The following PPARGC1A variants were observed in gnomAD, a reference collection of about 807,000 sequenced individuals.
PPARGC1A encodes PPARG coactivator 1 alpha, also known as peroxisome proliferator-activated receptor gamma coactivator 1-alpha.
In PPARGC1A, 25 loss-of-function variants were observed where a neutral mutation model predicts 88.7. That is an observed-to-expected ratio of 0.28 (90% CI 0.21 to 0.39). The LOEUF (loss-of-function observed/expected upper bound fraction) is 0.39, where lower values mean the gene tolerates loss of function less well. PPARGC1A is among the 10% of genes least tolerant of loss of function. The pLI is 1.00. For synonymous variants in PPARGC1A, 363 were observed against 355.6 expected, an observed-to-expected ratio of 1.02 and a Z score of -0.24; for missense variants, 880 against 968.7, an observed-to-expected ratio of 0.91 and a Z score of 1.22.
chr4:24,032,124 T>G, the PPARGC1A span, among the ~76,000 whole-genome samples: 1 of 152,204 alleles, frequency 6.6e-6, no homozygotes, highest in Non-Finnish European at 1.5e-5. Flanking sequence ...TAATGATGAA[T>G]AACAATAATA....
chr4:23,819,930 C>G (rs1199666181), intron 7 of PPARGC1A, among the ~76,000 whole-genome samples: 1 of 152,120 alleles, frequency 6.6e-6, no homozygotes, highest in Admixed American at 6.6e-5. Context: ...CTTTGGTCCA[C>G]TTTCCCAAAG....
At chr4:24,260,808 G>A in the PPARGC1A span, among the ~76,000 whole-genome samples, 6 of 151,472 alleles carry the variant, frequency 4.0e-5, no homozygotes, top group East Asian at 1.2e-3. Flanking sequence ...TTGAATCCAA[G>A]TTTATTTTTA....
chr4:24,432,166 G>A, the PPARGC1A span, among the ~76,000 whole-genome samples: 1 of 152,152 alleles, frequency 6.6e-6, no homozygotes, highest in African/African-American at 2.4e-5. Flanking sequence ...GTTAAAAGAG[G>A]GGGAAAGCAA....
At chr4:24,428,262 G>A in the PPARGC1A span, among the ~76,000 whole-genome samples, 1 of 152,200 alleles carries the variant, frequency 6.6e-6, no homozygotes, top group East Asian at 1.9e-4. Flanking sequence ...GGTGTCTAGT[G>A]TATAGAAGAC....
At chr4:23,809,073 C>T (rs1720398084) in intron 10 of PPARGC1A, among the ~76,000 whole-genome samples, 1 of 151,990 alleles carries the variant, frequency 6.6e-6, no homozygotes, top group Admixed American at 6.6e-5. Flanking sequence ...GCTTCTTACT[C>T]ATTACTTTAA....
At chr4:24,137,107 C>G in the PPARGC1A span, among the ~76,000 whole-genome samples, 1 of 136,086 alleles carries the variant, frequency 7.3e-6, no homozygotes, top group Non-Finnish European at 1.5e-5. Context: ...CAGCGAGACT[C>G]TGTCTCAAAA....
chr4:24,386,176 C>T, the PPARGC1A span, among the ~76,000 whole-genome samples: 122,386 of 152,066 alleles, frequency 0.8, 49,339 homozygotes, highest in East Asian at 0.88. Context: ...AAAAGGCCTT[C>T]GATAAAATTC....
chr4:24,317,596 A>AAAAAAAAAC, the PPARGC1A span, among the ~76,000 whole-genome samples: 3 of 131,134 alleles, frequency 2.3e-5, no homozygotes, highest in Admixed American at 7.6e-5. Context: ...AAAAAAAAAA[A>AAAAAAAAAC]CACCACCACC....
the PPARGC1A span, among the ~76,000 whole-genome samples, chr4:24,210,517 C>G: frequency 6.6e-6 from 1 of 152,154 alleles, no homozygotes; most frequent in Non-Finnish European, 1.5e-5. Context: ...AATTAATCAG[C>G]ATAGTGTTTT....
At chr4:24,304,195 TTG>T in the PPARGC1A span, among the ~76,000 whole-genome samples, 1 of 152,196 alleles carries the variant, frequency 6.6e-6, no homozygotes, top group African/African-American at 2.4e-5. Flanking sequence ...GATGACCTGC[TTG>T]TGTGGCAATG....
chr4:23,902,805 T>G (rs1719566238), upstream of PPARGC1A, among the ~76,000 whole-genome samples: 1 of 152,192 alleles, frequency 6.6e-6, no homozygotes, highest in Non-Finnish European at 1.5e-5. Flanking sequence ...TGTTGTTGCA[T>G]TTATAATGTA....
chr4:24,452,912 G>A, the PPARGC1A span, among the ~76,000 whole-genome samples: 1 of 152,206 alleles, frequency 6.6e-6, no homozygotes, highest in Non-Finnish European at 1.5e-5. Context: ...TGGCTGAACT[G>A]TGTTCCTCCT....
At chr4:24,242,608 T>C in the PPARGC1A span, among the ~76,000 whole-genome samples, 9 of 152,180 alleles carry the variant, frequency 5.9e-5, no homozygotes, top group Admixed American at 5.9e-4. Context: ...TCTACTGATC[T>C]ATCTGTCCCA....
the PPARGC1A span, among the ~76,000 whole-genome samples, chr4:24,189,254 A>G: frequency 2.3e-3 from 352 of 152,264 alleles, 3 homozygotes; most frequent in African/African-American, 8.0e-3. Context: ...AAATATATTT[A>G]ATATCGCTGA....
the PPARGC1A span, among the ~76,000 whole-genome samples, chr4:24,466,974 GAA>G: frequency 3.0e-4 from 30 of 99,466 alleles, no homozygotes; most frequent in African/African-American, 8.6e-4. Flanking sequence ...GAAAGAAAGA[GAA>G]AGAAAGAAAG....
the PPARGC1A span, among the ~76,000 whole-genome samples, chr4:24,454,710 G>A: frequency 6.6e-6 from 1 of 151,376 alleles, no homozygotes; most frequent in Admixed American, 6.6e-5. Flanking sequence ...TGCACTCCTA[G>A]CTGGGTGATA....
the PPARGC1A span, among the ~76,000 whole-genome samples, chr4:24,400,230 C>A: frequency 6.6e-6 from 1 of 152,080 alleles, no homozygotes; most frequent in East Asian, 1.9e-4. Flanking sequence ...ATGGGTGTCG[C>A]CAAAAGAGAT....
At chr4:23,823,964 T>A (rs970337779) in intron 7 of PPARGC1A, among the ~76,000 whole-genome samples, 5 of 152,128 alleles carry the variant, frequency 3.3e-5, no homozygotes, top group Non-Finnish European at 7.4e-5. Flanking sequence ...TGTTTAGACA[T>A]CCCACGACTC....
the PPARGC1A span, among the ~76,000 whole-genome samples, chr4:24,262,211 G>A: frequency 4.5e-4 from 68 of 152,320 alleles, 1 homozygote; most frequent in Admixed American, 1.6e-3. Context: ...TCAGGGCTGG[G>A]TGTGCTTCAA....
Sources: allele counts gnomAD v4.1 joint callset (sites outside exome capture counted in the v4.1 genomes callset), GRCh38; gene constraint gnomAD v4.1.1; transcripts MANE v1.5; gene names NCBI Gene and HGNC (gene_info 2026-07-23, HGNC 2026-07-21).